ARHGAP29: variants seen among roughly 807,000 people sequenced by gnomAD.
ARHGAP29 encodes rho GTPase-activating protein 29.
ARHGAP29 carries 43 observed loss-of-function variants against 122.6 expected under a neutral mutation model. The observed-to-expected ratio is 0.35, with a 90% CI of 0.27 to 0.45. The LOEUF (loss-of-function observed/expected upper bound fraction) is 0.45. Ranked by LOEUF, ARHGAP29 falls within the 20% of genes least tolerant of loss-of-function variation. ARHGAP29 has a pLI of 1.00. For synonymous variants in ARHGAP29, 506 were observed against 497.1 expected (o/e 1.02, Z -0.24); for missense variants, 1,303 against 1,477.2 (o/e 0.88, Z 1.93).
chr1:94,219,270 C>T (rs1474710777), intron 3 of ARHGAP29, among the ~76,000 whole-genome samples: 1 of 19,458 alleles, frequency 5.1e-5, no homozygotes, highest in Non-Finnish European at 1.7e-4. Flanking sequence ...TCCATGTCAC[C>T]TCCTTGCAGG....
chr1:94,238,273 C>G (rs1291383351), upstream of ARHGAP29, among the ~76,000 whole-genome samples: 2 of 151,818 alleles, frequency 1.3e-5, no homozygotes, highest in Non-Finnish European at 2.9e-5. Context: ...GTTGGCCAAG[C>G]TGGTCTCGAA....
At chr1:94,259,410 A>G (rs1654476263) in intron 1 of ARHGAP29, among the ~76,000 whole-genome samples, 1 of 152,214 alleles carries the variant, frequency 6.6e-6, no homozygotes, top group Admixed American at 6.5e-5. Flanking sequence ...ATGTCCCCAT[A>G]AAATGCATGT....
rs1347686300 is a variant in ARHGAP29 at position 94,172,857 on chromosome 1, C to G, written c.*1012G>C. The G allele has an allele frequency of 6.6e-6, 1 of 152,440 alleles. No homozygotes were observed. Among genetic ancestry groups the G allele is most frequent in the Non-Finnish European group, 1.5e-5 (1 of 67,972 alleles). 9.4% of individuals were successfully genotyped at this position (152,440 alleles called of 1,614,324 possible). A position where few individuals can be genotyped will look rare whatever the true frequency, so the allele number is the denominator to read the frequency against. On this transcript the variant is annotated 3_prime_UTR_variant, in exon 23 of 23. Transcript: ENST00000260526. ...ATTCCAAATAATGAGGCTTACTGACCTGTACTCTCAGAATCAACTTAAATA... is the reference window on the plus strand; with the variant it reads ...ATTCCAAATAATGAGGCTTACTGACGTGTACTCTCAGAATCAACTTAAATA...
intron 1 of ARHGAP29, among the ~76,000 whole-genome samples, chr1:94,253,857 A>G (rs1557890285): frequency 3.3e-5 from 5 of 152,222 alleles, no homozygotes. Flanking sequence ...TTCTAACTAC[A>G]TATTTATATA....
At chr1:94,175,603 G>T (rs545636234) in intron 22 of ARHGAP29, among the ~76,000 whole-genome samples, 2 of 152,260 alleles carry the variant, frequency 1.3e-5, no homozygotes, top group Non-Finnish European at 2.9e-5. Flanking sequence ...GCAGACAGGT[G>T]CCCACCAGAG....
chr1:94,189,007 T>C, intron 14 of ARHGAP29, 66 bp from the exon 15 acceptor site: 7 of 1,480,102 alleles, frequency 4.7e-6, no homozygotes, highest in Non-Finnish European at 6.5e-6. Context: ...AATACTGACA[T>C]TCTATCAAGT....
At chr1:94,195,325 G>A (rs1313081832) in intron 12 of ARHGAP29, 1 of 152,176 alleles carries the variant, frequency 6.6e-6, no homozygotes, top group Non-Finnish European at 1.5e-5. Context: ...GACATTGCAA[G>A]CAATATTCAG....
At chr1:94,215,253 A>G (rs185499594) in intron 3 of ARHGAP29, among the ~76,000 whole-genome samples, 12 of 151,952 alleles carry the variant, frequency 7.9e-5, no homozygotes, top group Admixed American at 2.0e-4. Flanking sequence ...TTGGATAGAA[A>G]TACTAAATAT....
In ARHGAP29 at chr1:94,202,974, T is replaced by C. The variant is rs1390076216; in HGVS notation, c.898A>G (p.Met300Val). 4.3e-6 allele frequency: 7 copies of C among 1,609,278 alleles called. No homozygotes were observed. In the East Asian group the frequency reaches 6.7e-5, roughly 15 times the overall value. The change falls in exon 10 of 23, where the codon ATG becomes GTG. Residue 300 changes from methionine (M) to valine (V), a missense_variant. By Grantham distance (21) the Met-to-Val change is conservative. This residue lies in a region of ARHGAP29 where 592 missense variants were observed against 648.2 expected (regional missense o/e 0.91). Transcript: ENST00000260526. ...VQPLLGRKNE[M>V]EKQRKEIKEL... The stretch of plus-strand genomic sequence containing the variant: ...TTTATTTCTTTCCTTTGTTTTTCCA[T>C]TTCATTTTTCCTTCCAAGTAGAGGC...
chr1:94,281,549 C>T, the ARHGAP29 span, among the ~76,000 whole-genome samples: 1 of 152,170 alleles, frequency 6.6e-6, no homozygotes, highest in Admixed American at 6.5e-5. Flanking sequence ...GCATTCGTCA[C>T]TCTGGTGGCA....
chr1:94,255,006 G>A (rs559958951), intron 1 of ARHGAP29, among the ~76,000 whole-genome samples: 1 of 152,186 alleles, frequency 6.6e-6, no homozygotes, highest in Non-Finnish European at 1.5e-5. Context: ...AATTTCTTGA[G>A]AACAAAGTAG....
the ARHGAP29 span, among the ~76,000 whole-genome samples, chr1:94,284,086 GAAAA>G: frequency 6.9e-6 from 1 of 144,136 alleles, no homozygotes; most frequent in Non-Finnish European, 1.5e-5. Flanking sequence ...GCAGAAATGG[GAAAA>G]AAAAAAAAAA....
chr1:94,271,204 A>G (rs540595317), intron 1 of ARHGAP29, among the ~76,000 whole-genome samples: 8 of 152,350 alleles, frequency 5.3e-5, no homozygotes, highest in East Asian at 3.9e-4. Context: ...TGCTTACCAC[A>G]TGGGTCTCTA....
intron 19 of ARHGAP29, among the ~76,000 whole-genome samples, chr1:94,180,888 GAAGA>G (rs1433657596): frequency 6.6e-6 from 1 of 152,128 alleles, no homozygotes; most frequent in Non-Finnish European, 1.5e-5. Flanking sequence ...TGCCTGGCTA[GAAGA>G]AATAAAGGAT....
the ARHGAP29 span, among the ~76,000 whole-genome samples, chr1:94,296,038 T>C: frequency 1.3e-5 from 2 of 152,196 alleles, no homozygotes; most frequent in East Asian, 3.8e-4. Context: ...GGAATAAATA[T>C]AGTAGTTCCC....
rs760002586 is a variant in ARHGAP29 at position 94,202,782 on chromosome 1, A to C, written c.955-50T>G. On this transcript the variant is annotated intron_variant, in intron 10 of 22. Transcript: ENST00000260526. The stretch of plus-strand genomic sequence containing the variant: ...CAGAATATGAAAGAAATCCTACTGA[A>C]CAAGTGTCTTTAGCATATTCAGCAA... 8.2e-6 allele frequency: 13 copies of C among 1,584,596 alleles called. No homozygotes were observed. The East Asian group carries it at 2.5e-4, about 30-fold the overall frequency.
At chr1:94,232,802 G>A (rs545712981) in intron 1 of ARHGAP29, among the ~76,000 whole-genome samples, 11 of 152,074 alleles carry the variant, frequency 7.2e-5, no homozygotes, top group East Asian at 3.9e-4. Context: ...GGAAATAACC[G>A]GAGGAATTAA....
At chr1:94,301,533 G>C in the ARHGAP29 span, among the ~76,000 whole-genome samples, 1 of 152,152 alleles carries the variant, frequency 6.6e-6, no homozygotes, top group African/African-American at 2.4e-5. Context: ...ATCTGTCACT[G>C]CAATGGGGAG....
At chr1:94,226,996 C>A (rs1272447805) in intron 2 of ARHGAP29, among the ~76,000 whole-genome samples, 1 of 151,904 alleles carries the variant, frequency 6.6e-6, no homozygotes, top group Non-Finnish European at 1.5e-5. Context: ...AAGAAATTTA[C>A]ACATCCTCCT....
Sources: gnomAD v4.1 joint callset for allele counts (sites outside exome capture counted in the v4.1 genomes callset) on GRCh38, gnomAD v4.1.1 for gene constraint, gnomAD v4.1.1 regional missense constraint, MANE v1.5 for transcripts, NCBI Gene and HGNC (gene_info 2026-07-23, HGNC 2026-07-21) for gene names.